Variants in ADGRV1 observed in about 807,000 individuals in gnomAD.
ADGRV1 encodes G-protein coupled receptor 98.
In ADGRV1, 359 loss-of-function variants were observed where a neutral mutation model predicts 596.2. The observed-to-expected ratio is 0.60, with a 90% confidence interval of 0.55 to 0.66. The LOEUF (loss-of-function observed/expected upper bound fraction) is 0.66. ADGRV1 is among the 30% of genes least tolerant of loss of function. ADGRV1 has a pLI of 0.00. For missense variants in ADGRV1, 7,274 were observed against 7,575.6 expected, an observed-to-expected ratio of 0.96 and a Z score of 1.48; for synonymous variants, 2,681 against 2,679.2, an observed-to-expected ratio of 1.00 and a Z score of -0.02.
rs1047371077 is a variant in ADGRV1 at position 90,584,065 on chromosome 5, C to T, written c.22+25148C>T. ...AATTTGGCGAATATATTTAATCCCT[C>T]TGTAACTCAGGTTCCTCATTTCACA... On this transcript the variant is annotated intron_variant, in intron 1 of 89. Transcript: ENST00000405460. 3.9e-5 allele frequency among the ~76,000 whole-genome samples: 6 copies of T among 152,262 alleles called. No individual in the cohort carries two copies. The South Asian group carries it at 1.0e-3, about 26-fold the overall frequency.
At chr5:91,020,411 GT>G (rs1783539086) in intron 85 of ADGRV1, among the ~76,000 whole-genome samples, 1 of 152,022 alleles carries the variant, frequency 6.6e-6, no homozygotes, top group African/African-American at 2.4e-5. Context: ...ATTTTAGAAA[GT>G]ACTTTCACGT....
chr5:90,892,328 C>A (rs932056318), intron 83 of ADGRV1, among the ~76,000 whole-genome samples: 13 of 151,984 alleles, frequency 8.6e-5, no homozygotes. Flanking sequence ...ATTTATGAGA[C>A]TGTTTCATTG....
chr5:90,975,409 T>C (rs1436436816), intron 84 of ADGRV1, among the ~76,000 whole-genome samples: 2 of 152,222 alleles, frequency 1.3e-5, no homozygotes, highest in Non-Finnish European at 2.9e-5. Context: ...CGTGTATGTT[T>C]ATTGTGGCAC....
chr5:90,644,968 A>G (rs1767527641), intron 15 of ADGRV1, 99 bp downstream of exon 15: 1 of 907,114 alleles, frequency 1.1e-6, no homozygotes, highest in African/African-American at 1.7e-5. Flanking sequence ...TTTGTGATAA[A>G]AGTTTGTAAT....
chr5:90,828,421 C>A (rs924948178), intron 76 of ADGRV1, among the ~76,000 whole-genome samples: 2 of 152,090 alleles, frequency 1.3e-5, no homozygotes, highest in Non-Finnish European at 2.9e-5. Flanking sequence ...AAGGCAACTG[C>A]TGTCAGGGTG....
chr5:90,830,170 G>A (rs923938922), intron 77 of ADGRV1, among the ~76,000 whole-genome samples: 5 of 152,070 alleles, frequency 3.3e-5, no homozygotes, highest in African/African-American at 9.7e-5. Flanking sequence ...TCAAGCTGTG[G>A]ATATTAAGCC....
At chr5:91,093,932 A>G (rs1582036102) in intron 86 of ADGRV1, among the ~76,000 whole-genome samples, 1 of 151,058 alleles carries the variant, frequency 6.6e-6, no homozygotes, top group Admixed American at 6.6e-5. Flanking sequence ...GCTCACTGCA[A>G]CCTCAGCCTC....
chr5:90,745,755 T>C lies in ADGRV1; in HGVS notation c.10934T>C (p.Leu3645Pro). ...AATGATTCTGTAACAATAACCATTC[T>C]GTCTAATGATGATGCCTATGGAATT... ...GINDSVTITI[L>P]SNDDAYGIVA... Residue 3645 changes from leucine (L) to proline (P), a missense_variant, in exon 52 of 90, where the codon CTG (leucine) becomes CCG (proline). Physicochemically the swap from Leu to Pro is moderately conservative, Grantham distance 98. Coordinates refer to ENST00000405460, the MANE Select transcript of ADGRV1 (RefSeq NM_032119.4). The C allele has an allele frequency of 6.2e-7, 1 of 1,611,512 alleles. No individual in the cohort carries two copies. The highest frequency in any genetic ancestry group is 1.1e-5 in the South Asian group (1 of 91,016).
At chr5:90,866,753 A>T (rs911593596) in intron 83 of ADGRV1, among the ~76,000 whole-genome samples, 2 of 152,148 alleles carry the variant, frequency 1.3e-5, no homozygotes, top group African/African-American at 4.8e-5. Context: ...AAATTCAGGG[A>T]CATAAAATTA....
intron 85 of ADGRV1, among the ~76,000 whole-genome samples, chr5:91,016,414 G>C (rs1164778300): frequency 6.6e-6 from 1 of 151,900 alleles, no homozygotes; most frequent in African/African-American, 2.4e-5. Context: ...AAAATTACTT[G>C]TGACCCAGGT....
intron 10 of ADGRV1, among the ~76,000 whole-genome samples, chr5:90,635,892 G>A (rs145899141): frequency 1.5e-3 from 220 of 150,208 alleles, no homozygotes; most frequent in African/African-American, 4.9e-3. Flanking sequence ...ATTGTGCCTG[G>A]CCTATAAACC....
chr5:91,044,995 A>G (rs1038339940), intron 85 of ADGRV1, among the ~76,000 whole-genome samples: 4 of 152,166 alleles, frequency 2.6e-5, no homozygotes, highest in Non-Finnish European at 5.9e-5. Flanking sequence ...TGCTTTGCCA[A>G]GCATTAAAGG....
intron 1 of ADGRV1, among the ~76,000 whole-genome samples, chr5:90,611,634 C>T (rs1174217587): frequency 6.6e-6 from 1 of 151,714 alleles, no homozygotes; most frequent in Non-Finnish European, 1.5e-5. Context: ...ACATCATGAT[C>T]TTAAAACATA....
At chr5:90,681,543 T>A in intron 27 of ADGRV1, 89 bp downstream of exon 27, 1 of 1,311,778 alleles carries the variant, frequency 7.6e-7, no homozygotes, top group Non-Finnish European at 1.0e-6. Flanking sequence ...ATGCTTTCCT[T>A]TTTTTGTGTA....
chr5:90,755,023 A>G lies in ADGRV1; in HGVS notation c.11418A>G (p.Lys3806=), dbSNP rs1755680391. Residue 3806 remains lysine, a synonymous_variant, in exon 55 of 90, where the codon AAA becomes AAG. Coordinates refer to ENST00000405460, the MANE Select transcript of ADGRV1 (RefSeq NM_032119.4). ...TTLQLQIARD[K]GLLGDIAIHL... is the part of the protein sequence containing the mutation. ...TTCAGTTACAAATAGCTCGAGATAA[A>G]GGACTACTTGGGGATATTGCCATTC... is the stretch of plus-strand genomic sequence containing the variant. 6.2e-7 allele frequency: 1 copy of G among 1,613,362 alleles called. No individual in the cohort carries two copies.
intron 43 of ADGRV1, among the ~76,000 whole-genome samples, chr5:90,719,196 G>A (rs541884657): frequency 1.1e-3 from 161 of 152,148 alleles, no homozygotes; most frequent in African/African-American, 3.8e-3. Flanking sequence ...TGGGTGTAGT[G>A]GTGTGTACCT....
chr5:90,635,170 A>G lies in ADGRV1; in HGVS notation c.1896A>G (p.Arg632=). The G allele has an allele frequency of 1.2e-6, 2 of 1,611,590 alleles. No individual in the cohort carries two copies. The highest frequency in any genetic ancestry group is 8.5e-7 in the Non-Finnish European group (1 of 1,177,876). Residue 632 remains arginine, a synonymous_variant, in exon 10 of 90, where the codon AGA becomes AGG. Transcript: ENST00000405460. ...CTCTAATCCCACCCATAAGCCCTAG[A>G]TTTGGGGAAATCTGCAATATTTCTT... ...IIPLIPPISP[R]FGEICNISLL... is the part of the protein sequence containing the mutation.
chr5:90,861,846 A>G (rs1405423549), intron 82 of ADGRV1, among the ~76,000 whole-genome samples: 1 of 152,198 alleles, frequency 6.6e-6, no homozygotes. Context: ...TTTAAATTTT[A>G]GGTATTCAAT....
At chr5:90,679,102 T>C (rs907941375) in intron 25 of ADGRV1, among the ~76,000 whole-genome samples, 1 of 152,062 alleles carries the variant, frequency 6.6e-6, no homozygotes, top group African/African-American at 2.4e-5. Flanking sequence ...TTTGAATGTG[T>C]GGATGGAAGG....
Sources: allele counts gnomAD v4.1 joint callset (sites outside exome capture counted in the v4.1 genomes callset), GRCh38; gene constraint gnomAD v4.1.1; transcripts MANE v1.5; gene names NCBI Gene and HGNC (gene_info 2026-07-23, HGNC 2026-07-21).